NNMT: variants seen among roughly 807,000 people sequenced by gnomAD.
NNMT encodes the protein nicotinamide N-methyltransferase.
A neutral mutation model predicts 11.7 loss-of-function variants in NNMT; 10 were observed. That is an observed-to-expected ratio of 0.85 (90% confidence interval 0.53 to 1.45). NNMT has a LOEUF of 1.45. Among genes scored for constraint, NNMT ranks in the 40% most tolerant of loss-of-function variants. The probability of loss-of-function intolerance (pLI) is 0.00; values close to 1 mark genes in which losing one functional copy is unlikely to be tolerated. For synonymous variants in NNMT, 143 were observed against 133.8 expected (o/e 1.07, Z -0.48); for missense variants, 381 against 319.4 (o/e 1.19, Z -1.47).
intron 2 of NNMT, among the ~76,000 whole-genome samples, chr11:114,307,781 C>T (rs1162726000): frequency 2.0e-5 from 3 of 151,988 alleles, no homozygotes. Flanking sequence ...GAATTTCCTC[C>T]CGCCCTCCCT....
intron 2 of NNMT, among the ~76,000 whole-genome samples, chr11:114,301,674 A>G (rs1945440384): frequency 6.6e-6 from 1 of 152,092 alleles, no homozygotes; most frequent in Admixed American, 6.6e-5. Flanking sequence ...TACTCTGTAC[A>G]GTACTATAAT....
At chr11:114,269,586 T>C (rs757615461) in intron 2 of NNMT, 24 of 152,268 alleles carry the variant, frequency 1.6e-4, no homozygotes, top group Non-Finnish European at 2.8e-4. Flanking sequence ...GTCCTTGCCT[T>C]TCCTCCACTG....
exon 2 of NNMT, chr11:114,262,928 G>A (rs779139017): frequency 2.0e-5 from 3 of 152,208 alleles, no homozygotes; most frequent in Non-Finnish European, 4.4e-5. Flanking sequence ...CTCGTCCAAT[G>A]GACAAGGTAA....
At chr11:114,282,078 G>A (rs1290767487) in intron 2 of NNMT, among the ~76,000 whole-genome samples, 6 of 152,156 alleles carry the variant, frequency 3.9e-5, no homozygotes, top group Admixed American at 2.0e-4. Context: ...AATTAAAAAC[G>A]CCAGGCATGG....
chr11:114,299,062 G>GT (rs1397349268), intron 2 of NNMT, among the ~76,000 whole-genome samples: 1 of 152,114 alleles, frequency 6.6e-6, no homozygotes, highest in Non-Finnish European at 1.5e-5. Context: ...TGCAATTATA[G>GT]TATCTGCAAA....
chr11:114,283,883 T>C (rs943503957), intron 2 of NNMT, among the ~76,000 whole-genome samples: 5 of 152,234 alleles, frequency 3.3e-5, no homozygotes, highest in African/African-American at 9.6e-5. Flanking sequence ...GCTTTTTACA[T>C]AGGTAATAAA....
intron 2 of NNMT, among the ~76,000 whole-genome samples, chr11:114,268,803 G>T (rs2135245894): frequency 6.7e-6 from 1 of 150,236 alleles, no homozygotes. Context: ...TGAAACAGCT[G>T]GTTCCCTGCC....
intron 2 of NNMT, among the ~76,000 whole-genome samples, chr11:114,275,711 G>C (rs143834731): frequency 1.3e-5 from 2 of 152,072 alleles, no homozygotes; most frequent in Non-Finnish European, 2.9e-5. Context: ...TGGGTTTAGG[G>C]TTAGGGTTAG....
At chr11:114,271,425 A>G (rs1161650657) in intron 2 of NNMT, among the ~76,000 whole-genome samples, 1 of 152,310 alleles carries the variant, frequency 6.6e-6, no homozygotes, top group East Asian at 1.9e-4. Flanking sequence ...CTGAGATTTA[A>G]TGTCTACTAC....
intron 2 of NNMT, among the ~76,000 whole-genome samples, chr11:114,272,137 G>A (rs1453249871): frequency 6.6e-6 from 1 of 152,092 alleles, no homozygotes; most frequent in Non-Finnish European, 1.5e-5. Context: ...GGGATCAGAT[G>A]GTTTGCTCCT....
chr11:114,296,737 C>G (rs1945383693), intron 1 of NNMT, 27 bp downstream of exon 1: 15 of 1,611,244 alleles, frequency 9.3e-6, no homozygotes, highest in Admixed American at 1.7e-5. Flanking sequence ...CATGTCTCCC[C>G]ACTAATGTGA....
At chr11:114,286,686 C>T (rs1945302821) in intron 2 of NNMT, among the ~76,000 whole-genome samples, 2 of 152,072 alleles carry the variant, frequency 1.3e-5, no homozygotes, top group Non-Finnish European at 2.9e-5. Flanking sequence ...TTTATTCTAC[C>T]ATTGTTGGAC....
At chr11:114,280,915 G>C (rs1006139633) in intron 2 of NNMT, among the ~76,000 whole-genome samples, 1 of 152,112 alleles carries the variant, frequency 6.6e-6, no homozygotes, top group Non-Finnish European at 1.5e-5. Flanking sequence ...CCTGACCACT[G>C]AATGAGGGAA....
At chr11:114,300,051 G>A (rs181394114) in intron 2 of NNMT, among the ~76,000 whole-genome samples, 1 of 151,364 alleles carries the variant, frequency 6.6e-6, no homozygotes, top group African/African-American at 2.4e-5. Context: ...CTTTCTTCTA[G>A]TTATTTTAAT....
At chr11:114,299,824 A>T (rs931281982) in intron 2 of NNMT, among the ~76,000 whole-genome samples, 3 of 150,190 alleles carry the variant, frequency 2.0e-5, no homozygotes, top group Non-Finnish European at 4.4e-5. Context: ...TCCTTTTAAT[A>T]CCTTATTATG....
intron 2 of NNMT, among the ~76,000 whole-genome samples, chr11:114,298,697 A>C (rs909535028): frequency 2.0e-5 from 3 of 152,202 alleles, no homozygotes; most frequent in African/African-American, 7.2e-5. Context: ...ACTTGAAAAG[A>C]ATTTATTAAT....
chr11:114,279,914 C>T (rs1591829702), intron 2 of NNMT, among the ~76,000 whole-genome samples: 2 of 152,158 alleles, frequency 1.3e-5, no homozygotes, highest in South Asian at 2.1e-4. Flanking sequence ...TTTGAACTAA[C>T]AGGAACTAGC....
chr11:114,302,060 C>T (rs576877596), intron 2 of NNMT, among the ~76,000 whole-genome samples: 1 of 152,022 alleles, frequency 6.6e-6, no homozygotes, highest in Non-Finnish European at 1.5e-5. Flanking sequence ...CTTTTTCTAC[C>T]CTTCTGTTTT....
In NNMT at chr11:114,296,694, C is replaced by T. The variant is rs1367000357; in HGVS notation, c.138C>T (p.Phe46=). Residue 46 remains phenylalanine, a synonymous_variant, in exon 1 of 3, where the codon TTC becomes TTT. Transcript: ENST00000299964. ...TTAAGCACCTTCTGAAAAATCTTTTCAAGATATTCTGCCTAGGTAAGTCTG... is the reference window on the plus strand; with the variant it reads ...TTAAGCACCTTCTGAAAAATCTTTTTAAGATATTCTGCCTAGGTAAGTCTG... ...QILKHLLKNL[F]KIFCLDGVKG... 2.5e-6 allele frequency: 4 copies of T among 1,614,150 alleles called. No individual in the cohort carries two copies. The highest frequency in any genetic ancestry group is 3.4e-6 in the Non-Finnish European group (4 of 1,180,008).
Sources: gnomAD v4.1 joint callset for allele counts (sites outside exome capture counted in the v4.1 genomes callset) on GRCh38, gnomAD v4.1.1 for gene constraint, MANE v1.5 for transcripts, NCBI Gene and HGNC (gene_info 2026-07-23, HGNC 2026-07-21) for gene names.